The following MMP16 variants were observed in gnomAD, a reference collection of about 807,000 sequenced individuals.
The protein encoded by MMP16 is matrix metallopeptidase 16.
A neutral mutation model predicts 67.8 loss-of-function variants in MMP16; 12 were observed. That is an observed-to-expected ratio of 0.18 (90% CI 0.11 to 0.29). The LOEUF (loss-of-function observed/expected upper bound fraction) is 0.29, where lower values mean the gene tolerates loss of function less well. Ranked by LOEUF, MMP16 falls within the 10% of genes least tolerant of loss-of-function variation. The pLI is 1.00. For missense variants in MMP16, 475 were observed against 765.7 expected, an observed-to-expected ratio of 0.62 and a Z score of 4.48; for synonymous variants, 249 against 255.9, an observed-to-expected ratio of 0.97 and a Z score of 0.26.
chr8:88,100,763 G>A (rs1809127575), intron 6 of MMP16, among the ~76,000 whole-genome samples: 1 of 152,026 alleles, frequency 6.6e-6, no homozygotes, highest in South Asian at 2.1e-4. Context: ...TTAAGAAAAT[G>A]TGGCACATAT....
intron 5 of MMP16, among the ~76,000 whole-genome samples, chr8:88,118,227 A>G (rs76014448): frequency 0.012 from 1,757 of 152,150 alleles, 22 homozygotes; most frequent in South Asian, 0.016. Flanking sequence ...TCTATCACAT[A>G]AGGGTATTTT....
rs114950952 is a variant in MMP16 at position 88,053,387 on chromosome 8, C to A, written c.1373+2741G>T. ...TTGCACTTTCCACCTTACCGCAGTA[C>A]TCATCATTCGCTATTGCGCAACTTG... On this transcript the variant is annotated intron_variant, in intron 8 of 9. Coordinates refer to ENST00000286614, the MANE Select transcript of MMP16 (RefSeq NM_005941.5). 9.9e-3 allele frequency among the ~76,000 whole-genome samples: 1,505 copies of A among 152,272 alleles called. 18 individuals carry two copies. The highest frequency in any genetic ancestry group is 0.034 in the African/African-American group (1,408 of 41,548).
intron 1 of MMP16, among the ~76,000 whole-genome samples, chr8:88,289,061 T>C (rs893543464): frequency 6.6e-6 from 1 of 151,680 alleles, no homozygotes. Context: ...CAAGTATGGG[T>C]TAGTTAGATA....
intron 4 of MMP16, among the ~76,000 whole-genome samples, chr8:88,144,420 T>G (rs781424533): frequency 1.2e-4 from 18 of 151,964 alleles, no homozygotes; most frequent in African/African-American, 1.7e-4. Flanking sequence ...ATACATGATA[T>G]GAAGTATCCT....
intron 4 of MMP16, among the ~76,000 whole-genome samples, chr8:88,164,059 T>G (rs370393099): frequency 2.6e-5 from 4 of 152,074 alleles, no homozygotes; most frequent in African/African-American, 9.7e-5. Context: ...TAGATAACAA[T>G]GAAGTAAGGG....
At chr8:88,299,821 T>C (rs1312067896) in intron 1 of MMP16, among the ~76,000 whole-genome samples, 1 of 152,214 alleles carries the variant, frequency 6.6e-6, no homozygotes, top group Non-Finnish European at 1.5e-5. Context: ...TGTTAGCTTA[T>C]GTTAAAAATA....
chr8:88,216,689 A>G (rs1301954649), intron 1 of MMP16, among the ~76,000 whole-genome samples: 1 of 152,156 alleles, frequency 6.6e-6, no homozygotes, highest in African/African-American at 2.4e-5. Context: ...ATATTGTCTC[A>G]TAATTATATT....
rs1165556091 is a variant in MMP16 at position 88,182,646 on chromosome 8, T to G, written c.404+3830A>C. ...GGCATAACCATGTCAGAAGACAGTT[T>G]GACAGTTTCTTACAAAGCTAACCGT... is the stretch of plus-strand genomic sequence containing the variant. On this transcript the variant is annotated intron_variant, in intron 3 of 9. Coordinates refer to ENST00000286614, the MANE Select transcript of MMP16 (RefSeq NM_005941.5). Among the ~76,000 whole-genome samples, 3 of 152,156 alleles carry G rather than the reference T, an allele frequency of 2.0e-5. No homozygotes were observed. In the East Asian group the frequency reaches 5.8e-4, roughly 29 times the overall value.
chr8:88,299,994 T>A (rs1469840750), intron 1 of MMP16, among the ~76,000 whole-genome samples: 1 of 152,204 alleles, frequency 6.6e-6, no homozygotes, highest in Non-Finnish European at 1.5e-5. Flanking sequence ...TATGCTTATA[T>A]TTCTTTTCTA....
intron 3 of MMP16, among the ~76,000 whole-genome samples, chr8:88,174,541 G>T (rs1808853964): frequency 1.3e-5 from 2 of 151,934 alleles, no homozygotes; most frequent in Non-Finnish European, 2.9e-5. Flanking sequence ...TACATTTTTG[G>T]TTTAAATACT....
chr8:88,313,456 T>C (rs976958112), intron 1 of MMP16, among the ~76,000 whole-genome samples: 5 of 152,152 alleles, frequency 3.3e-5, no homozygotes, highest in African/African-American at 1.2e-4. Context: ...ATATGAAAGG[T>C]GTCTATTTTT....
chr8:88,158,491 C>A (rs1808554137), intron 4 of MMP16, among the ~76,000 whole-genome samples: 1 of 152,118 alleles, frequency 6.6e-6, no homozygotes. Context: ...CGATTCATAT[C>A]CTTTGCCCAC....
chr8:88,259,029 T>C (rs1243625240), intron 1 of MMP16, among the ~76,000 whole-genome samples: 1 of 152,086 alleles, frequency 6.6e-6, no homozygotes, highest in African/African-American at 2.4e-5. Flanking sequence ...TCCTTTCCTT[T>C]CCTCCTTTCA....
chr8:88,326,531 ATTAAG>A (rs1811540835), intron 1 of MMP16, among the ~76,000 whole-genome samples: 1 of 151,962 alleles, frequency 6.6e-6, no homozygotes, highest in African/African-American at 2.4e-5. Flanking sequence ...GTTACAGTGT[ATTAAG>A]TTATGTCTAA....
intron 6 of MMP16, among the ~76,000 whole-genome samples, chr8:88,096,204 T>C (rs2169656): frequency 0.27 from 41,411 of 151,750 alleles, 5,867 homozygotes; most frequent in East Asian, 0.47. Flanking sequence ...GTTAATAATA[T>C]TTATAAGTTT....
chr8:88,211,481 A>T (rs1809512073), intron 1 of MMP16, among the ~76,000 whole-genome samples: 1 of 152,126 alleles, frequency 6.6e-6, no homozygotes, highest in Non-Finnish European at 1.5e-5. Flanking sequence ...AGGTGTTGTG[A>T]TAGGGGTTTG....
chr8:88,071,195 A>G (rs765060018), intron 7 of MMP16, among the ~76,000 whole-genome samples: 2 of 152,168 alleles, frequency 1.3e-5, no homozygotes, highest in Non-Finnish European at 2.9e-5. Flanking sequence ...CTTAAGATTT[A>G]TAAAAGTTTG....
chr8:88,091,680 AAAG>A (rs1808939947), intron 6 of MMP16, among the ~76,000 whole-genome samples: 1 of 151,906 alleles, frequency 6.6e-6, no homozygotes, highest in South Asian at 2.1e-4. Context: ...TAAATTTTTA[AAAG>A]AAGTAATCAA....
At position 88,116,735 on chromosome 8, in the gene MMP16, G is replaced by A; in HGVS notation, c.872-17C>T. ...CAGGTGGACCTTTTGAAAATATGAG[G>A]ACAGTGCTTGGCTCACTTAAAACTG... On this transcript the variant is annotated splice_polypyrimidine_tract_variant and intron_variant, in intron 5 of 9. Transcript: ENST00000286614. The A allele has an allele frequency of 6.2e-7, 1 of 1,607,146 alleles. No homozygotes were observed.
Sources: gnomAD v4.1 joint callset for allele counts (sites outside exome capture counted in the v4.1 genomes callset) on GRCh38, gnomAD v4.1.1 for gene constraint, MANE v1.5 for transcripts, NCBI Gene and HGNC (gene_info 2026-07-23, HGNC 2026-07-21) for gene names.